PPIL4: variants seen among roughly 807,000 people sequenced by gnomAD.
The protein encoded by PPIL4 is peptidylprolyl isomerase like 4, also known as peptidyl-prolyl cis-trans isomerase-like 4.
In PPIL4, 50 loss-of-function variants were observed where a neutral mutation model predicts 69.1. That is an observed-to-expected ratio of 0.72 (90% CI 0.58 to 0.92). PPIL4 has a LOEUF of 0.92. Among genes scored for constraint, PPIL4 ranks in the 40% least tolerant of loss-of-function variants. PPIL4 has a pLI of 0.00. For missense variants in PPIL4, 480 were observed against 587.9 expected, an observed-to-expected ratio of 0.82 and a Z score of 1.90; for synonymous variants, 193 against 191.6, an observed-to-expected ratio of 1.01 and a Z score of -0.06.
chr6:149,505,434 A>G lies in PPIL4; in HGVS notation c.*19T>C. The G allele has an allele frequency of 3.7e-6, 6 of 1,603,352 alleles. No individual in the cohort carries two copies. The highest frequency in any genetic ancestry group is 5.1e-6 in the Non-Finnish European group (6 of 1,176,368). ...ACAAGAGTAAATATGTTAGCCTCTC[A>G]ATTCTGCCTCTTCATCTTTCATCTA... On this transcript the variant is annotated 3_prime_UTR_variant, in exon 13 of 13. Transcript: ENST00000253329.
intron 8 of PPIL4, 45 bp downstream of exon 8, chr6:149,526,607 T>C (rs368476981): frequency 1.9e-6 from 3 of 1,540,890 alleles, no homozygotes; most frequent in South Asian, 1.2e-5. Context: ...CACCAACTGA[T>C]ACCTAGTTTT....
chr6:149,535,747 A>G lies in PPIL4; in HGVS notation c.322-9T>C, dbSNP rs540805017. ...CCTGTGGTGATAAGAAACTATAAAG[A>G]AGGACACATAATAAATACCATAAAA... On this transcript the variant is annotated splice_polypyrimidine_tract_variant and intron_variant, in intron 4 of 12. Coordinates refer to ENST00000253329, the MANE Select transcript of PPIL4 (RefSeq NM_139126.4). 3.0e-4 allele frequency: 477 copies of G among 1,570,686 alleles called. 3 individuals carry two copies. In the South Asian group the frequency reaches 5.0e-3, roughly 17 times the overall value.
At chr6:149,518,662 G>T (rs1377883683) in intron 10 of PPIL4, among the ~76,000 whole-genome samples, 1 of 152,156 alleles carries the variant, frequency 6.6e-6, no homozygotes, top group Non-Finnish European at 1.5e-5. Context: ...AAAATAACTG[G>T]TAATGGTAAC....
chr6:149,545,673 C>T (rs1006437397), intron 1 of PPIL4, among the ~76,000 whole-genome samples: 3 of 152,220 alleles, frequency 2.0e-5, no homozygotes, highest in Non-Finnish European at 4.4e-5. Flanking sequence ...CACACACACT[C>T]CCAAAGGCAA....
In PPIL4 at chr6:149,521,075, T is replaced by G; in HGVS notation, c.967A>C (p.Lys323Gln). ...ACCATCATACCTTTTCCTTTCCATTTAACCTTTGCAACCGACTGGCTAAAA... is the reference window on the plus strand; with the variant it reads ...ACCATCATACCTTTTCCTTTCCATTGAACCTTTGCAACCGACTGGCTAAAA... ...VDFSQSVAKV[K>Q]WKGKGGKYTK... The change falls in exon 10 of 13, where the codon AAA becomes CAA. Residue 323 changes from lysine (K) to glutamine (Q), a missense_variant. Lys to Gln is a moderately conservative substitution (Grantham distance 53). Coordinates refer to ENST00000253329, the MANE Select transcript of PPIL4 (RefSeq NM_139126.4). 6.3e-7 allele frequency: 1 copy of G among 1,582,232 alleles called. No individual in the cohort carries two copies. The highest frequency in any genetic ancestry group is 8.7e-7 in the Non-Finnish European group (1 of 1,154,358).
chr6:149,544,073 G>A (rs1403305919), intron 1 of PPIL4, among the ~76,000 whole-genome samples: 1 of 152,036 alleles, frequency 6.6e-6, no homozygotes, highest in Non-Finnish European at 1.5e-5. Context: ...GCTTATCTTT[G>A]CAGACCCACT....
intron 11 of PPIL4, among the ~76,000 whole-genome samples, chr6:149,516,298 T>C (rs1776943038): frequency 2.0e-5 from 3 of 152,226 alleles, no homozygotes; most frequent in African/African-American, 7.2e-5. Context: ...TGTCTGCATG[T>C]GAAAGCCTCT....
intron 10 of PPIL4, among the ~76,000 whole-genome samples, chr6:149,520,064 T>A (rs997479127): frequency 1.3e-5 from 2 of 152,084 alleles, no homozygotes; most frequent in African/African-American, 4.8e-5. Flanking sequence ...CATGGAAGAG[T>A]AAAAATTTAG....
intron 8 of PPIL4, among the ~76,000 whole-genome samples, chr6:149,525,896 C>T (rs1034960175): frequency 6.6e-6 from 1 of 152,064 alleles, no homozygotes; most frequent in Non-Finnish European, 1.5e-5. Context: ...GTCAGGAGCT[C>T]GAGACCAGCT....
Position 149,541,603 on chromosome 6 carries a change from A to C in PPIL4, c.71-17T>G, listed in dbSNP as rs757743890. On this transcript the variant is annotated splice_polypyrimidine_tract_variant and intron_variant, in intron 1 of 12. Coordinates refer to ENST00000253329, the MANE Select transcript of PPIL4 (RefSeq NM_139126.4). The stretch of plus-strand genomic sequence containing the variant: ...TCAAGCAGGCTGAAAGAAAGTAAAT[A>C]CCAAATTTATCACAGTAATCCACAA... The C allele has an allele frequency of 7.2e-7, 1 of 1,396,982 alleles. No individual in the cohort carries two copies. Among genetic ancestry groups the C allele is most frequent in the South Asian group, 1.2e-5 (1 of 85,286 alleles). The allele number at this position is 1,396,982 out of a possible 1,614,324, so 86.5% of individuals were successfully genotyped here. A position where few individuals can be genotyped will look rare whatever the true frequency, so the allele number is the denominator to read the frequency against.
chr6:149,524,391 T>C (rs1169522677), intron 9 of PPIL4, among the ~76,000 whole-genome samples: 2 of 152,230 alleles, frequency 1.3e-5, no homozygotes, highest in African/African-American at 4.8e-5. Context: ...CCATCTATTC[T>C]AATACCCAAG....
chr6:149,515,158 G>GA (rs1217316315), intron 11 of PPIL4, among the ~76,000 whole-genome samples: 20 of 108,286 alleles, frequency 1.8e-4, no homozygotes, highest in Admixed American at 5.8e-4. Flanking sequence ...TTTTTTTTAA[G>GA]AAAAAAAAAA....
chr6:149,525,105 C>T (rs777238827), intron 9 of PPIL4, 38 bp downstream of exon 9: 15 of 1,094,322 alleles, frequency 1.4e-5, no homozygotes, highest in Middle Eastern at 4.2e-4. Context: ...CATATAAAAG[C>T]AAATAAATAC....
chr6:149,540,826 A>G (rs1752550634), intron 4 of PPIL4, 116 bp downstream of exon 4: 1 of 526,818 alleles, frequency 1.9e-6, no homozygotes, highest in Non-Finnish European at 3.3e-6. Flanking sequence ...TTCCCCTAAC[A>G]CATATTTCTG....
chr6:149,509,936 A>T (rs1378604702), intron 12 of PPIL4, among the ~76,000 whole-genome samples: 1 of 152,062 alleles, frequency 6.6e-6, no homozygotes, highest in Non-Finnish European at 1.5e-5. Flanking sequence ...TTTTATTTAA[A>T]ATTTTTATAG....
rs1777434656 is a variant in PPIL4, at chr6:149,545,956, T to C, written c.50A>G (p.Tyr17Cys). Residue 17 changes from tyrosine (Y) to cysteine (C), a missense_variant, in exon 1 of 13, where the codon TAC (tyrosine) becomes TGC (cysteine). Physicochemically the swap from Tyr to Cys is radical, Grantham distance 194. Transcript: ENST00000253329. ...CTCACCACGCGGCCGTTCTTCGGTGTACAAGTCGATGACGACGTCGCCTAA... is the reference window on the plus strand; with the variant it reads ...CTCACCACGCGGCCGTTCTTCGGTGCACAAGTCGATGACGACGTCGCCTAA... ...TTLGDVVIDL[Y>C]TEERPRACLN... 6.3e-7 allele frequency: 1 copy of C among 1,590,576 alleles called. No homozygotes were observed. Among genetic ancestry groups the C allele is most frequent in the East Asian group, 2.3e-5 (1 of 43,966 alleles).
chr6:149,508,539 G>A (rs1776798072), intron 12 of PPIL4, among the ~76,000 whole-genome samples: 1 of 152,140 alleles, frequency 6.6e-6, no homozygotes, highest in African/African-American at 2.4e-5. Flanking sequence ...AGCTATCCTT[G>A]CTCAAGTCTC....
intron 12 of PPIL4, among the ~76,000 whole-genome samples, chr6:149,506,439 T>C (rs1362210762): frequency 1.3e-5 from 2 of 152,172 alleles, no homozygotes; most frequent in Non-Finnish European, 2.9e-5. Flanking sequence ...CCCACTGCAC[T>C]CCAGCCTGGG....
chr6:149,543,835 G>A (rs1777398076), intron 1 of PPIL4, among the ~76,000 whole-genome samples: 1 of 151,900 alleles, frequency 6.6e-6, no homozygotes, highest in South Asian at 2.1e-4. Flanking sequence ...AAACAAAGCT[G>A]GTCATGTGGA....
Sources: allele counts gnomAD v4.1 joint callset (sites outside exome capture counted in the v4.1 genomes callset), GRCh38; gene constraint gnomAD v4.1.1; transcripts MANE v1.5; gene names NCBI Gene and HGNC (gene_info 2026-07-23, HGNC 2026-07-21).